ZFHX3: variants seen among roughly 807,000 people sequenced by gnomAD.
ZFHX3 encodes the protein zinc finger homeobox 3, also known as zinc finger homeobox protein 3.
A neutral mutation model predicts 279.1 loss-of-function variants in ZFHX3; 42 were observed. The ratio of observed to expected loss-of-function variants is 0.15; its 90% CI spans 0.12 to 0.19. The LOEUF is 0.19. ZFHX3 is among the 10% of genes least tolerant of loss of function. The pLI is 1.00. For missense variants in ZFHX3, 4,981 were observed against 4,754.0 expected (o/e 1.05, Z -1.40); for synonymous variants, 2,293 against 1,957.8 (o/e 1.17, Z -4.52).
chr16:73,776,555 C>T (rs16972552), intron 1 of ZFHX3, among the ~76,000 whole-genome samples: 1 of 151,962 alleles, frequency 6.6e-6, no homozygotes, highest in Non-Finnish European at 1.5e-5. Flanking sequence ...CGCGTTAATG[C>T]CAGGGACCTG....
At position 73,774,578 on chromosome 16, in the gene ZFHX3, T is replaced by C. The variant is rs537003825; in HGVS notation, c.-1607-94338A>G. 5.3e-5 allele frequency among the ~76,000 whole-genome samples: 8 copies of C among 152,298 alleles called. No individual in the cohort carries two copies. In the South Asian group the frequency reaches 1.0e-3, roughly 20 times the overall value. ...TGATGCTAATCCTAAGTAACAAATA[T>C]GCTTGTCTATGCACCCCCCAAAGAT... On this transcript the variant is annotated intron_variant, in intron 1 of 17. Coordinates refer to the ZFHX3 transcript ENST00000641206.
chr16:73,346,355 G>A (rs889087354), intron 3 of ZFHX3, among the ~76,000 whole-genome samples: 1 of 152,160 alleles, frequency 6.6e-6, no homozygotes, highest in East Asian at 1.9e-4. Flanking sequence ...TGGATGCACA[G>A]GGCCCCCTTT....
intron 3 of ZFHX3, among the ~76,000 whole-genome samples, chr16:73,322,337 G>C (rs1437120487): frequency 6.6e-6 from 1 of 151,984 alleles, no homozygotes; most frequent in Non-Finnish European, 1.5e-5. Context: ...GAGGCAGCTA[G>C]GTTTAAAGAA....
chr16:73,675,511 A>G (rs984232566), intron 2 of ZFHX3, among the ~76,000 whole-genome samples: 1 of 152,112 alleles, frequency 6.6e-6, no homozygotes. Context: ...TATATACCCC[A>G]GTAAAGTGCT....
intron 8 of ZFHX3, among the ~76,000 whole-genome samples, chr16:73,069,196 C>T (rs1965793359): frequency 6.6e-6 from 1 of 152,184 alleles, no homozygotes; most frequent in Non-Finnish European, 1.5e-5. Flanking sequence ...GCAAAAATAA[C>T]TCTGGGCTGG....
intron 4 of ZFHX3, among the ~76,000 whole-genome samples, chr16:72,873,507 G>A (rs1168608340): frequency 1.3e-5 from 2 of 152,086 alleles, no homozygotes; most frequent in South Asian, 2.1e-4. Flanking sequence ...TCAGCTACTC[G>A]TCATCATTCC....
intron 1 of ZFHX3, among the ~76,000 whole-genome samples, chr16:73,831,053 A>C (rs530969044): frequency 9.5e-4 from 145 of 152,196 alleles, no homozygotes; most frequent in Non-Finnish European, 1.7e-3. Flanking sequence ...CCCTTTAGAC[A>C]CATTCAAAAG....
chr16:73,113,858 G>A (rs1966405026), intron 7 of ZFHX3, among the ~76,000 whole-genome samples: 1 of 148,020 alleles, frequency 6.8e-6, no homozygotes, highest in Non-Finnish European at 1.5e-5. Context: ...GCAGTGGCGC[G>A]ATCTCTGCTT....
chr16:73,358,236 G>C (rs1453058415), intron 3 of ZFHX3, among the ~76,000 whole-genome samples: 1 of 152,204 alleles, frequency 6.6e-6, no homozygotes, highest in Admixed American at 6.5e-5. Context: ...CCCTCCCCTC[G>C]AGTGTGGGCT....
At chr16:73,750,634 G>A (rs1388282091) in intron 1 of ZFHX3, among the ~76,000 whole-genome samples, 1 of 152,112 alleles carries the variant, frequency 6.6e-6, no homozygotes, top group Admixed American at 6.5e-5. Context: ...AAAATAGTGA[G>A]CTAGTGGAAA....
chr16:72,794,791 T>A lies in ZFHX3; in HGVS notation c.7891A>T (p.Ser2631Cys). Residue 2631 changes from serine to cysteine, a missense_variant, in exon 9 of 10, where the codon AGT (serine) becomes TGT (cysteine). Coordinates refer to ENST00000268489, the MANE Select transcript of ZFHX3 (RefSeq NM_006885.4). The surrounding 1 kb of genome is among the most constrained non-coding windows in gnomAD (Gnocchi z 4.2). ...TGAGGCTCTTCTCCTCCTGTCCCAC[T>A]GTCGTTTTCGCCAGGGCTTGCACTG... is the stretch of plus-strand genomic sequence containing the variant. Reference protein sequence around the residue: ...KASASPGENDSGTGGEEPQRD... With the variant: ...KASASPGENDCGTGGEEPQRD... 6.2e-7 allele frequency: 1 copy of A among 1,614,234 alleles called. No homozygotes were observed.
intron 5 of ZFHX3, among the ~76,000 whole-genome samples, chr16:73,230,393 G>A (rs2012736043): frequency 6.6e-6 from 1 of 152,128 alleles, no homozygotes; most frequent in Non-Finnish European, 1.5e-5. Context: ...AAATTAGTCA[G>A]TCTCGAAGAG....
In ZFHX3 at chr16:72,965,034, C is replaced by T. The variant is rs552677540; in HGVS notation, c.-49-4840G>A. Reference sequence around the variant, plus strand: ...CTGGGCCTACAGGCGACCACCACCACGTCTGGCTAACTTTTTGTAGTTTTA... The same window carrying T: ...CTGGGCCTACAGGCGACCACCACCATGTCTGGCTAACTTTTTGTAGTTTTA... On this transcript the variant is annotated intron_variant, in intron 1 of 9. Coordinates refer to ENST00000268489, the MANE Select transcript of ZFHX3 (RefSeq NM_006885.4). 1.6e-4 allele frequency among the ~76,000 whole-genome samples: 24 copies of T among 151,670 alleles called. No homozygotes were observed. In the East Asian group the frequency reaches 2.9e-3, roughly 18 times the overall value.
chr16:72,791,775 C>T (rs893264463), intron 9 of ZFHX3, among the ~76,000 whole-genome samples: 16 of 152,242 alleles, frequency 1.1e-4, no homozygotes, highest in African/African-American at 3.9e-4. Context: ...GACTTGTCAA[C>T]ACATATAAGC....
At chr16:72,832,449 C>G (rs1162460711) in intron 4 of ZFHX3, among the ~76,000 whole-genome samples, 1 of 152,074 alleles carries the variant, frequency 6.6e-6, no homozygotes, top group Non-Finnish European at 1.5e-5. Context: ...ATGAGAGGAT[C>G]AACGAAAGAG....
At chr16:73,070,261 T>C (rs929719670) in intron 8 of ZFHX3, among the ~76,000 whole-genome samples, 2 of 152,182 alleles carry the variant, frequency 1.3e-5, no homozygotes, top group Non-Finnish European at 2.9e-5. Context: ...TGTTGATAAT[T>C]ATTGCATCTG....
intron 1 of ZFHX3, among the ~76,000 whole-genome samples, chr16:73,794,831 C>A (rs1959945104): frequency 6.6e-6 from 1 of 152,180 alleles, no homozygotes; most frequent in Non-Finnish European, 1.5e-5. Flanking sequence ...CATACCTCCC[C>A]CATCCAAACT....
intron 3 of ZFHX3, among the ~76,000 whole-genome samples, chr16:72,927,782 G>A (rs576584894): frequency 7.5e-4 from 114 of 152,036 alleles, no homozygotes; most frequent in African/African-American, 2.4e-3. Flanking sequence ...TGAGGCCTCC[G>A]GAGTGTACAC....
intron 3 of ZFHX3, among the ~76,000 whole-genome samples, chr16:72,946,966 A>T (rs1217930112): frequency 6.6e-6 from 1 of 152,236 alleles, no homozygotes; most frequent in Non-Finnish European, 1.5e-5. Flanking sequence ...CTAAGGACAG[A>T]AAGAGCCCAG....
Sources: allele counts gnomAD v4.1 joint callset (sites outside exome capture counted in the v4.1 genomes callset), GRCh38; gene constraint gnomAD v4.1.1; non-coding constraint Gnocchi (gnomAD v3.1); transcripts MANE v1.5; gene names NCBI Gene and HGNC (gene_info 2026-07-23, HGNC 2026-07-21).